The following ODR4 variants were observed in gnomAD, a reference collection of about 807,000 sequenced individuals.
The protein encoded by ODR4 is odr-4 GPCR localization factor homolog.
ODR4 carries 47 observed loss-of-function variants against 60.2 expected under a neutral mutation model. The observed-to-expected ratio is 0.78, with a 90% confidence interval of 0.62 to 1.00. ODR4 has a LOEUF of 1.00. Ranked by LOEUF, ODR4 falls within the 50% of genes least tolerant of loss-of-function variation. ODR4 has a pLI of 0.00. For missense variants in ODR4, 488 were observed against 530.8 expected, an observed-to-expected ratio of 0.92 and a Z score of 0.79; for synonymous variants, 178 against 175.5, an observed-to-expected ratio of 1.01 and a Z score of -0.11.
At chr1:186,391,656 C>A in intron 7 of ODR4, 40 bp from the exon 8 acceptor site, 1 of 1,239,474 alleles carries the variant, frequency 8.1e-7, no homozygotes, top group Non-Finnish European at 1.2e-6. Context: ...ATTGAGATGG[C>A]ATTGTATCTG....
chr1:186,410,978 G>T (rs918447754), intron 12 of ODR4, among the ~76,000 whole-genome samples: 2 of 151,430 alleles, frequency 1.3e-5, no homozygotes, highest in Non-Finnish European at 2.9e-5. Context: ...TCGTGCCATT[G>T]CACTCCAGCC....
At chr1:186,426,994 C>A in the ODR4 span, among the ~76,000 whole-genome samples, 8 of 152,170 alleles carry the variant, frequency 5.3e-5, no homozygotes, top group East Asian at 1.5e-3. Context: ...AGTGGCAATC[C>A]TCTGACCTTT....
chr1:186,434,716 C>A, the ODR4 span, among the ~76,000 whole-genome samples: 1 of 152,076 alleles, frequency 6.6e-6, no homozygotes, highest in African/African-American at 2.4e-5. Context: ...TGGCCTTATT[C>A]TTCTAAACTT....
At chr1:186,431,055 A>C in the ODR4 span, among the ~76,000 whole-genome samples, 1 of 152,174 alleles carries the variant, frequency 6.6e-6, no homozygotes, top group Non-Finnish European at 1.5e-5. Context: ...TGGAGAGGAT[A>C]CACTTTAAAG....
intron 5 of ODR4, among the ~76,000 whole-genome samples, chr1:186,388,958 G>A (rs1048218355): frequency 3.3e-5 from 5 of 152,172 alleles, no homozygotes; most frequent in Non-Finnish European, 1.5e-5. Context: ...AGAGCTGGAT[G>A]GTATAGGACA....
downstream of ODR4, among the ~76,000 whole-genome samples, chr1:186,421,879 A>AAAAAAG (rs59883604): frequency 3.8e-4 from 51 of 135,116 alleles, 2 homozygotes; most frequent in East Asian, 1.5e-3. Flanking sequence ...AAAAAAAAAA[A>AAAAAAG]ATGATGAATC....
chr1:186,429,580 C>T, the ODR4 span, among the ~76,000 whole-genome samples: 1 of 152,076 alleles, frequency 6.6e-6, no homozygotes, highest in East Asian at 1.9e-4. Context: ...ACTACAGTGC[C>T]TCTGTCTTCC....
Position 186,405,364 on chromosome 1 carries a change from A to G in ODR4, c.1001-719A>G, listed in dbSNP as rs114723518. ...GTAAGGTGGCCAGTAATTTGGCTCC[A>G]AACTTGGATGAAGAAGAGAAAAACC... On this transcript the variant is annotated intron_variant, in intron 11 of 13. Transcript: ENST00000287859. 2.1e-3 allele frequency among the ~76,000 whole-genome samples: 321 copies of G among 152,266 alleles called. 2 individuals carry two copies. Among genetic ancestry groups the G allele is most frequent in the African/African-American group, 7.5e-3 (312 of 41,556 alleles).
chr1:186,387,732 C>T (rs1479994005), intron 4 of ODR4, among the ~76,000 whole-genome samples: 3 of 152,166 alleles, frequency 2.0e-5, no homozygotes, highest in Non-Finnish European at 4.4e-5. Context: ...TTTTAGCTTA[C>T]AGACCATGTG....
chr1:186,398,218 G>T, intron 9 of ODR4, 95 bp from the exon 10 acceptor site: 2 of 1,164,492 alleles, frequency 1.7e-6, no homozygotes, highest in South Asian at 5.5e-5. Context: ...TCAAAACTTT[G>T]TTCTCTCTTC....
At chr1:186,398,541 G>C (rs889725332) in intron 10 of ODR4, 100 bp downstream of exon 10, 1 of 1,172,976 alleles carries the variant, frequency 8.5e-7, no homozygotes, top group African/African-American at 1.6e-5. Flanking sequence ...TTATTAATTC[G>C]ATTTTAACTG....
At chr1:186,425,959 A>G (rs971974939), downstream of ODR4, among the ~76,000 whole-genome samples, 2 of 152,204 alleles carry the variant, frequency 1.3e-5, no homozygotes, top group Non-Finnish European at 2.9e-5. Flanking sequence ...ATAGGCAGCT[A>G]GAAGTAGTCA....
intron 11 of ODR4, among the ~76,000 whole-genome samples, chr1:186,402,404 C>T (rs1470217184): frequency 2.0e-5 from 3 of 147,658 alleles, no homozygotes; most frequent in African/African-American, 7.5e-5. Flanking sequence ...TTTCTTCCTT[C>T]TTTTTTTTAA....
intron 5 of ODR4, among the ~76,000 whole-genome samples, chr1:186,389,319 T>C (rs1177643066): frequency 1.3e-5 from 2 of 152,196 alleles, no homozygotes; most frequent in Non-Finnish European, 2.9e-5. Flanking sequence ...TTTGATTCTA[T>C]TTATTGCAAT....
chr1:186,395,719 C>T (rs562263961), intron 9 of ODR4, among the ~76,000 whole-genome samples: 1 of 152,280 alleles, frequency 6.6e-6, no homozygotes, highest in East Asian at 1.9e-4. Context: ...GTTAGTATAT[C>T]TCTTGAAATA....
intron 4 of ODR4, among the ~76,000 whole-genome samples, chr1:186,386,450 A>G (rs1023970733): frequency 6.6e-6 from 1 of 152,170 alleles, no homozygotes; most frequent in African/African-American, 2.4e-5. Context: ...AACCATGACT[A>G]ATGACAGTAA....
intron 9 of ODR4, among the ~76,000 whole-genome samples, chr1:186,394,939 G>T (rs988749864): frequency 6.6e-6 from 1 of 152,052 alleles, no homozygotes; most frequent in Admixed American, 6.5e-5. Context: ...CTACTTATGT[G>T]CTTTTCACTA....
chr1:186,383,070 A>G lies in ODR4; in HGVS notation c.148A>G (p.Lys50Glu), dbSNP rs1660102133. The G allele has an allele frequency of 6.3e-7, 1 of 1,575,216 alleles. No homozygotes were observed. Among genetic ancestry groups the G allele is most frequent in the Non-Finnish European group, 8.6e-7 (1 of 1,159,186 alleles). The change falls in exon 3 of 14, where the codon AAA (lysine) becomes GAA (glutamate). Residue 50 changes from lysine to glutamate, a missense_variant. Physicochemically the swap from Lys to Glu is moderately conservative, Grantham distance 56. Transcript: ENST00000287859. ...GATTCTTGCCACTAGAACGCCACCC[A>G]AAGAGGAGCAAAGTGAGAACCTCAA... is the stretch of plus-strand genomic sequence containing the variant. ...YVILATRTPP[K>E]EEQSENLKHP...
intron 12 of ODR4, among the ~76,000 whole-genome samples, chr1:186,407,848 C>T (rs956220364): frequency 7.2e-5 from 11 of 152,052 alleles, no homozygotes; most frequent in African/African-American, 2.7e-4. Context: ...CTGTGGGGTT[C>T]AAAACCTCTG....
Sources: allele counts gnomAD v4.1 joint callset (sites outside exome capture counted in the v4.1 genomes callset), GRCh38; gene constraint gnomAD v4.1.1; transcripts MANE v1.5; gene names NCBI Gene and HGNC (gene_info 2026-07-23, HGNC 2026-07-21).